CYBB: variants seen among roughly 807,000 people sequenced by gnomAD.
The protein encoded by CYBB is cytochrome b-245 beta chain.
A neutral mutation model predicts 46.5 loss-of-function variants in CYBB; 5 were observed. That is an observed-to-expected ratio of 0.11 (90% confidence interval 0.06 to 0.23). The LOEUF is 0.23. Among genes scored for constraint, CYBB ranks in the 10% least tolerant of loss-of-function variants. The probability of loss-of-function intolerance (pLI) is 1.00; values close to 1 mark genes in which losing one functional copy is unlikely to be tolerated. For missense variants in CYBB, 307 were observed against 428.3 expected, an observed-to-expected ratio of 0.72 and a Z score of 2.50; for synonymous variants, 183 against 156.7, an observed-to-expected ratio of 1.17 and a Z score of -1.26.
intron 3 of CYBB, among the ~76,000 whole-genome samples, chrX:37,789,988 G>A (rs1364104052): frequency 1.8e-5 from 2 of 111,667 alleles, no homozygotes; most frequent in Non-Finnish European, 3.8e-5. Flanking sequence ...GGGCAAGCCT[G>A]AAATCCCAGG....
intron 3 of CYBB, among the ~76,000 whole-genome samples, chrX:37,785,325 G>A (rs1556465276): frequency 8.9e-6 from 1 of 112,265 alleles, no homozygotes; most frequent in African/African-American, 3.2e-5. Context: ...TCTATGCTAC[G>A]CAATGTTGTC....
Position 37,780,105 on chromosome X carries a change from C to T in CYBB, c.28C>T (p.Leu10Phe). Residue 10 changes from leucine (L) to phenylalanine (F), a missense_variant, in exon 1 of 13, where the codon CTC becomes TTC. Leu to Phe is a conservative substitution (Grantham distance 22, BLOSUM62 0). Around this residue, in one of 3 missense-constraint regions of CYBB, gnomAD observed 103 missense variants for 150.2 expected, o/e 0.69. Transcript: ENST00000378588. ...GGGGAACTGGGCTGTGAATGAGGGG[C>T]TCTCCATTTTTGTCATTGTAAGTAC... is the stretch of plus-strand genomic sequence containing the variant. MGNWAVNEG[L>F]SIFVILVWLG... is the part of the protein sequence containing the mutation. The T allele has an allele frequency of 8.3e-7, 1 of 1,208,688 alleles. No homozygotes were observed. Among genetic ancestry groups the T allele is most frequent in the Non-Finnish European group, 1.1e-6 (1 of 893,005 alleles).
intron 11 of CYBB, 73 bp downstream of exon 11, chrX:37,806,606 G>C (rs1311731602): frequency 2.1e-6 from 2 of 970,736 alleles, no homozygotes; most frequent in Non-Finnish European, 2.9e-6. Flanking sequence ...TTGGTTATTG[G>C]TGTGTCTTGT....
At chrX:37,810,674 A>G (rs1929652718) in intron 12 of CYBB, 117 bp from the exon 13 acceptor site, 4 of 738,845 alleles carry the variant, frequency 5.4e-6, no homozygotes, top group Non-Finnish European at 8.2e-6. Flanking sequence ...GTGGAAAAGA[A>G]AAAGGAGCAG....
intron 6 of CYBB, among the ~76,000 whole-genome samples, chrX:37,797,371 A>G (rs1332716746): frequency 4.5e-5 from 5 of 111,574 alleles, no homozygotes; most frequent in African/African-American, 1.6e-4. Context: ...TAATTCCACC[A>G]CTTTCTGTTT....
chrX:37,782,270 A>G, intron 2 of CYBB, 87 bp downstream of exon 2: 1 of 679,067 alleles, frequency 1.5e-6, no homozygotes, highest in Non-Finnish European at 2.4e-6. Flanking sequence ...AGCATTTTAA[A>G]TACATATTCT....
chrX:37,788,817 G>T (rs782283233), intron 3 of CYBB, among the ~76,000 whole-genome samples: 2 of 111,681 alleles, frequency 1.8e-5, no homozygotes, highest in Admixed American at 9.4e-5. Context: ...TGTAAGGACT[G>T]TATCAATCAT....
chrX:37,794,566 T>C (rs1321728010), intron 5 of CYBB, among the ~76,000 whole-genome samples: 1 of 111,657 alleles, frequency 9.0e-6, no homozygotes, highest in Non-Finnish European at 1.9e-5. Context: ...CTGACAGTTG[T>C]GTGATGCCTT....
chrX:37,796,079 C>A lies in CYBB; in HGVS notation c.612C>A (p.Val204=). 8.3e-7 allele frequency: 1 copy of A among 1,210,137 alleles called. No homozygotes were observed. The highest frequency in any genetic ancestry group is 2.2e-5 in the Admixed American group (1 of 45,981). The change falls in exon 6 of 13, where the codon GTC becomes GTA. Residue 204 remains valine, a synonymous_variant. Coordinates refer to ENST00000378588, the MANE Select transcript of CYBB (RefSeq NM_000397.4). ...TKTIRRSYFE[V]FWYTHHLFVI... ...CCATCCGGAGGTCTTACTTTGAAGTCTTTTGGTACACACATCATCTCTTTG... is the reference window on the plus strand; with the variant it reads ...CCATCCGGAGGTCTTACTTTGAAGTATTTTGGTACACACATCATCTCTTTG...
chrX:37,805,531 A>G (rs1393382463), intron 10 of CYBB, among the ~76,000 whole-genome samples: 1 of 111,988 alleles, frequency 8.9e-6, no homozygotes, highest in Non-Finnish European at 1.9e-5. Flanking sequence ...TTAAGTATGT[A>G]TAATTTCATG....
chrX:37,781,042 C>T (rs1928941611), intron 1 of CYBB, among the ~76,000 whole-genome samples: 1 of 111,691 alleles, frequency 9.0e-6, no homozygotes, highest in African/African-American at 3.3e-5. Flanking sequence ...ATATAGAAAG[C>T]AATTAGTGGC....
intron 5 of CYBB, among the ~76,000 whole-genome samples, chrX:37,795,271 A>C (rs1929277189): frequency 9.0e-6 from 1 of 111,555 alleles, no homozygotes; most frequent in Non-Finnish European, 1.9e-5. Flanking sequence ...ACCGTTAGCC[A>C]ATAACTGGTG....
chrX:37,792,193 G>T, intron 4 of CYBB, 134 bp downstream of exon 4: 1 of 488,931 alleles, frequency 2.0e-6, no homozygotes, highest in Non-Finnish European at 3.7e-6. Flanking sequence ...AATGAGTTTT[G>T]CTCAAAAGTA....
At chrX:37,793,371 C>A (rs782051876) in intron 4 of CYBB, among the ~76,000 whole-genome samples, 1 of 110,265 alleles carries the variant, frequency 9.1e-6, no homozygotes, top group East Asian at 2.9e-4. Context: ...AATCTTATAA[C>A]TTGATTGAGT....
rs782471480 is a variant in CYBB at position 37,798,919 on chromosome X, A to G, written c.675-36A>G. 5.1e-6 allele frequency: 6 copies of G among 1,170,377 alleles called. No individual in the cohort carries two copies. The African/African-American group carries it at 7.2e-5, about 14-fold the overall frequency. On this transcript the variant is annotated intron_variant, in intron 6 of 12. Coordinates refer to ENST00000378588, the MANE Select transcript of CYBB (RefSeq NM_000397.4). ...TTTTAATAAAACAATTTAATTTCCT[A>G]TTACTAAATGATCTGGACTTACATT... is the stretch of plus-strand genomic sequence containing the variant.
chrX:37,791,040 G>A (rs904639527), intron 3 of CYBB, among the ~76,000 whole-genome samples: 4 of 111,306 alleles, frequency 3.6e-5, no homozygotes, highest in African/African-American at 9.8e-5. Context: ...ATGTAGGTTC[G>A]TCAAATACAC....
chrX:37,798,197 T>C (rs1266403085), intron 6 of CYBB: 1 of 111,948 alleles, frequency 8.9e-6, no homozygotes, highest in African/African-American at 3.2e-5. Flanking sequence ...GTCATTTATG[T>C]TCCTTGAAGT....
chrX:37,793,672 C>T lies in CYBB; in HGVS notation c.345C>T (p.His115=), dbSNP rs1325066830. ...AWMIALHSAI[H]TIAHLFNVEW... ...CTTCTCTGCCCTTTTCAGCGATTCA[C>T]ACCATTGCACATCTATTTAATGTGG... Residue 115 remains histidine, a synonymous_variant, in exon 5 of 13, where the codon CAC becomes CAT. Transcript: ENST00000378588. The T allele has an allele frequency of 8.3e-7, 1 of 1,208,656 alleles. No individual in the cohort carries two copies. The highest frequency in any genetic ancestry group is 1.1e-6 in the Non-Finnish European group (1 of 893,782).
At chrX:37,806,314 A>G (rs1045220263) in intron 10 of CYBB, 73 bp from the exon 11 acceptor site, 1 of 1,083,234 alleles carries the variant, frequency 9.2e-7, no homozygotes, top group Non-Finnish European at 1.3e-6. Context: ...GGTGACAGAA[A>G]GTGGAATTCC....
Sources: gnomAD v4.1 joint callset for allele counts (sites outside exome capture counted in the v4.1 genomes callset) on GRCh38, gnomAD v4.1.1 for gene constraint, gnomAD v4.1.1 regional missense constraint, MANE v1.5 for transcripts, NCBI Gene and HGNC (gene_info 2026-07-23, HGNC 2026-07-21) for gene names.